VSTM4: variants seen among roughly 807,000 people sequenced by gnomAD.
The protein encoded by VSTM4 is V-set and transmembrane domain containing 4.
In VSTM4, 20 loss-of-function variants were observed where a neutral mutation model predicts 36.4. That is an observed-to-expected ratio of 0.55 (90% CI 0.39 to 0.80). The LOEUF is 0.80. Among genes scored for constraint, VSTM4 ranks in the 30% least tolerant of loss-of-function variants. The probability of loss-of-function intolerance (pLI) is 0.00; values close to 1 mark genes in which losing one functional copy is unlikely to be tolerated. For synonymous variants in VSTM4, 182 were observed against 173.9 expected, an observed-to-expected ratio of 1.05 and a Z score of -0.37; for missense variants, 392 against 404.5, an observed-to-expected ratio of 0.97 and a Z score of 0.26.
At chr10:49,048,084 A>C (rs1474194566) in intron 6 of VSTM4, among the ~76,000 whole-genome samples, 2 of 152,236 alleles carry the variant, frequency 1.3e-5, no homozygotes, top group Non-Finnish European at 1.5e-5. Flanking sequence ...CATCTTTAAA[A>C]ATTCAGAGAG....
chr10:49,115,057 G>A (rs548834691), intron 1 of VSTM4, among the ~76,000 whole-genome samples: 12 of 152,182 alleles, frequency 7.9e-5, no homozygotes, highest in African/African-American at 2.7e-4. Flanking sequence ...CGAGGAATCT[G>A]CCAAGAGCTG....
intron 2 of VSTM4, among the ~76,000 whole-genome samples, chr10:49,094,064 T>C (rs1192812447): frequency 3.3e-5 from 5 of 152,204 alleles, no homozygotes; most frequent in Admixed American, 1.3e-4. Context: ...TTACTCTTAA[T>C]GAATGAATGA....
chr10:49,036,004 C>T (rs570361047), intron 7 of VSTM4, among the ~76,000 whole-genome samples: 12 of 152,252 alleles, frequency 7.9e-5, no homozygotes, highest in Middle Eastern at 3.4e-3. Context: ...AGTAGAGGGG[C>T]CTTGGCACTA....
At chr10:49,020,846 T>G (rs1843172949) in intron 7 of VSTM4, among the ~76,000 whole-genome samples, 1 of 152,086 alleles carries the variant, frequency 6.6e-6, no homozygotes, top group Non-Finnish European at 1.5e-5. Flanking sequence ...TTAAATTTAC[T>G]CAGAGAGAAT....
intron 3 of VSTM4, among the ~76,000 whole-genome samples, chr10:49,077,774 A>C (rs543075613): frequency 2.6e-5 from 4 of 152,346 alleles, no homozygotes; most frequent in Admixed American, 6.5e-5. Context: ...GACTTGACAC[A>C]AGAGGCACCG....
intron 2 of VSTM4, among the ~76,000 whole-genome samples, chr10:49,093,645 C>T (rs1035800104): frequency 5.9e-5 from 9 of 152,058 alleles, no homozygotes; most frequent in Non-Finnish European, 1.2e-4. Flanking sequence ...CATCACTGTG[C>T]ACCAGACCAT....
chr10:49,057,893 T>G (rs1268468140), intron 5 of VSTM4, among the ~76,000 whole-genome samples: 1 of 152,180 alleles, frequency 6.6e-6, no homozygotes, highest in Non-Finnish European at 1.5e-5. Flanking sequence ...TGGTGTTCTT[T>G]GAGACTGAGG....
chr10:49,057,556 G>A (rs568544647), intron 5 of VSTM4, among the ~76,000 whole-genome samples: 1 of 152,168 alleles, frequency 6.6e-6, no homozygotes, highest in Non-Finnish European at 1.5e-5. Flanking sequence ...TCGGAATCCA[G>A]GTGCATATTC....
chr10:49,092,802 G>A (rs975528372), intron 2 of VSTM4, among the ~76,000 whole-genome samples: 1 of 152,174 alleles, frequency 6.6e-6, no homozygotes, highest in East Asian at 1.9e-4. Flanking sequence ...GCACGTCACC[G>A]GAAGAAGACG....
chr10:49,088,999 T>C (rs1179322943), intron 2 of VSTM4, among the ~76,000 whole-genome samples: 10 of 152,238 alleles, frequency 6.6e-5, no homozygotes, highest in Non-Finnish European at 1.2e-4. Context: ...CAGAATCTGC[T>C]TTCAAGCCCA....
chr10:49,033,412 A>G (rs999779412), intron 7 of VSTM4, among the ~76,000 whole-genome samples: 5 of 145,824 alleles, frequency 3.4e-5, no homozygotes, highest in East Asian at 4.2e-4. Context: ...TTGGGAATAT[A>G]TAATAAATAT....
In VSTM4 at chr10:49,047,019, T is replaced by C; in HGVS notation, c.801A>G (p.Lys267=). The C allele has an allele frequency of 6.2e-7, 1 of 1,614,114 alleles. No homozygotes were observed. The highest frequency in any genetic ancestry group is 2.2e-5 in the East Asian group (1 of 44,868). ...AKAPIAPTFH[K]PKLLKPQRKV... ...TTCTCTGTGGTTTCAGCAGCTTCGGTTTATGGAACGTGGGGGCTATCGGAG... is the reference window on the plus strand; with the variant it reads ...TTCTCTGTGGTTTCAGCAGCTTCGGCTTATGGAACGTGGGGGCTATCGGAG... Residue 267 remains lysine (K), a synonymous_variant, in exon 7 of 8, where the codon AAA becomes AAG. Coordinates refer to ENST00000332853, the MANE Select transcript of VSTM4 (RefSeq NM_001031746.5).
At chr10:49,024,998 C>G (rs1351185292) in intron 7 of VSTM4, among the ~76,000 whole-genome samples, 1 of 151,852 alleles carries the variant, frequency 6.6e-6, no homozygotes, top group Non-Finnish European at 1.5e-5. Context: ...GGGCTCTGAT[C>G]CAATTTGACT....
At chr10:49,044,114 G>T (rs1305215243) in intron 7 of VSTM4, among the ~76,000 whole-genome samples, 1 of 152,160 alleles carries the variant, frequency 6.6e-6, no homozygotes, top group Non-Finnish European at 1.5e-5. Context: ...GAACACTTGA[G>T]GCCATGAGCT....
intron 7 of VSTM4, among the ~76,000 whole-genome samples, chr10:49,045,897 C>T (rs1843600829): frequency 6.6e-6 from 1 of 152,150 alleles, no homozygotes; most frequent in Non-Finnish European, 1.5e-5. Flanking sequence ...CAAATGTTAT[C>T]TCAAATTGTA....
chr10:49,045,264 A>G (rs1243769706), intron 7 of VSTM4, among the ~76,000 whole-genome samples: 2 of 152,100 alleles, frequency 1.3e-5, no homozygotes, highest in Non-Finnish European at 2.9e-5. Flanking sequence ...AATATTAACA[A>G]CAAAATAAAT....
intron 7 of VSTM4, among the ~76,000 whole-genome samples, chr10:49,038,445 G>A (rs1843466394): frequency 6.6e-6 from 1 of 152,184 alleles, no homozygotes; most frequent in Non-Finnish European, 1.5e-5. Context: ...TGGAAGCTAG[G>A]GGCTGGCTGG....
chr10:49,032,330 G>A (rs1031388195), intron 7 of VSTM4, among the ~76,000 whole-genome samples: 4 of 151,134 alleles, frequency 2.6e-5, no homozygotes, highest in African/African-American at 9.8e-5. Context: ...CACATCACTG[G>A]GCTCCCCAAA....
intron 4 of VSTM4, 103 bp from the exon 5 acceptor site, chr10:49,064,839 A>T: frequency 8.1e-6 from 10 of 1,237,212 alleles, no homozygotes; most frequent in Non-Finnish European, 1.2e-5. Flanking sequence ...TTGTTCAGGT[A>T]TTGGTGCTAT....
Sources: allele counts gnomAD v4.1 joint callset (sites outside exome capture counted in the v4.1 genomes callset), GRCh38; gene constraint gnomAD v4.1.1; transcripts MANE v1.5; gene names NCBI Gene and HGNC (gene_info 2026-07-23, HGNC 2026-07-21).